The following SLC12A7 variants were observed in gnomAD, a reference collection of about 807,000 sequenced individuals.
SLC12A7 encodes K-Cl cotransporter 4.
Under a neutral mutation model 120.6 loss-of-function variants are expected in SLC12A7, and 100 were observed. The ratio of observed to expected loss-of-function variants is 0.83; its 90% CI spans 0.71 to 0.98. SLC12A7 has a LOEUF of 0.98. Among genes scored for constraint, SLC12A7 ranks in the 50% least tolerant of loss-of-function variants. The pLI is 0.00. For synonymous variants in SLC12A7, 760 were observed against 678.0 expected, an observed-to-expected ratio of 1.12 and a Z score of -1.88; for missense variants, 1,373 against 1,548.1, an observed-to-expected ratio of 0.89 and a Z score of 1.90.
At chr5:1,087,626 AGGCCGG>A (rs1273161117) in intron 5 of SLC12A7, among the ~76,000 whole-genome samples, 1 of 152,188 alleles carries the variant, frequency 6.6e-6, no homozygotes, top group Non-Finnish European at 1.5e-5. Flanking sequence ...TGCTCTCCTG[AGGCCGG>A]GGAAGTCCGC....
At position 1,083,787 on chromosome 5, in the gene SLC12A7, C is replaced by T. The variant is rs199733676; in HGVS notation, c.1087G>A (p.Glu363Lys). 9.9e-5 allele frequency: 160 copies of T among 1,612,590 alleles called. No individual in the cohort carries two copies. The highest frequency in any genetic ancestry group is 6.0e-4 in the Admixed American group (36 of 59,970). ...DEYFIQNNVT[E>K]IQGIPGAASG... ...GCCGCGCCCGGGATGCCCTGGATTT[C>T]GGTGACGTTGTTCTGGATGAAGTAC... Residue 363 changes from glutamate to lysine, a missense_variant, in exon 8 of 24, where the codon GAA becomes AAA. Glu to Lys is a moderately conservative substitution (Grantham distance 56, BLOSUM62 1). Coordinates refer to ENST00000264930, the MANE Select transcript of SLC12A7 (RefSeq NM_006598.3).
intron 9 of SLC12A7, among the ~76,000 whole-genome samples, chr5:1,080,721 G>A (rs1308708604): frequency 6.6e-6 from 1 of 152,192 alleles, no homozygotes; most frequent in African/African-American, 2.4e-5. Context: ...CCCACCCACC[G>A]CCGGAACAAG....
the SLC12A7 span, among the ~76,000 whole-genome samples, chr5:1,137,601 G>A: frequency 6.6e-6 from 1 of 152,142 alleles, no homozygotes; most frequent in Admixed American, 6.5e-5. Flanking sequence ...TTCCCCTCCG[G>A]GTGGTCCCCA....
rs1445690817 is a variant in SLC12A7, at chr5:1,052,464, G to GAGTT, written c.3161-17_3161-14dup. On this transcript the variant is annotated splice_polypyrimidine_tract_variant and intron_variant, in intron 23 of 23. Coordinates refer to ENST00000264930, the MANE Select transcript of SLC12A7 (RefSeq NM_006598.3). Reference sequence around the variant, plus strand: ...AGAAACTCCATGTCTGTGGTCAACAGAGTTAAGGCCACAGCTGATCTTACC... The same window carrying GAGTT: ...AGAAACTCCATGTCTGTGGTCAACAGAGTTAGTTAAGGCCACAGCTGATCTTACC... 1 of 1,602,458 alleles carries GAGTT rather than the reference G, an allele frequency of 6.2e-7. No homozygotes were observed. Among genetic ancestry groups the GAGTT allele is most frequent in the East Asian group, 2.2e-5 (1 of 44,868 alleles).
chr5:1,102,171 G>A (rs1206254240), intron 1 of SLC12A7, among the ~76,000 whole-genome samples: 1 of 152,190 alleles, frequency 6.6e-6, no homozygotes, highest in Non-Finnish European at 1.5e-5. Context: ...GAAGGGCAAA[G>A]ACCAGACACA....
chr5:1,082,195 C>T (rs935415054), intron 8 of SLC12A7, among the ~76,000 whole-genome samples: 5 of 134,804 alleles, frequency 3.7e-5, no homozygotes, highest in Admixed American at 8.0e-5. Flanking sequence ...CTTCCCGTCT[C>T]GGGTTCTGGA....
chr5:1,055,755 C>T (rs1054567263), intron 22 of SLC12A7, among the ~76,000 whole-genome samples: 2 of 152,348 alleles, frequency 1.3e-5, no homozygotes, highest in South Asian at 2.1e-4. Flanking sequence ...CCTGGGTCTA[C>T]GTCGTTCTTC....
At chr5:1,124,519 G>A in the SLC12A7 span, among the ~76,000 whole-genome samples, 1 of 152,210 alleles carries the variant, frequency 6.6e-6, no homozygotes, top group East Asian at 1.9e-4. Context: ...CGAAAACTGT[G>A]AGGATTTATC....
At chr5:1,103,655 G>T (rs940770665) in intron 1 of SLC12A7, among the ~76,000 whole-genome samples, 1 of 152,078 alleles carries the variant, frequency 6.6e-6, no homozygotes, top group Non-Finnish European at 1.5e-5. Flanking sequence ...GCACATACAC[G>T]TGTACACACA....
intron 20 of SLC12A7, among the ~76,000 whole-genome samples, chr5:1,061,084 C>T (rs1372922546): frequency 1.5e-4 from 12 of 81,860 alleles, no homozygotes; most frequent in Admixed American, 1.3e-3. Flanking sequence ...CTGCCGCATC[C>T]GCCATGCGGA....
In SLC12A7 at chr5:1,068,835, C is replaced by T. The variant is rs111497149; in HGVS notation, c.2242-3357G>A. On this transcript the variant is annotated intron_variant, in intron 17 of 23. Coordinates refer to ENST00000264930, the MANE Select transcript of SLC12A7 (RefSeq NM_006598.3). ...GGCAGAGCGTGGCAGGGGGTCCCGT[C>T]ATCCCCCAGTCACTGCAATCCCTGC... 2.7e-3 allele frequency among the ~76,000 whole-genome samples: 417 copies of T among 152,378 alleles called. 4 individuals are homozygous for T. Among genetic ancestry groups the T allele is most frequent in the African/African-American group, 9.3e-3 (387 of 41,592 alleles).
the SLC12A7 span, among the ~76,000 whole-genome samples, chr5:1,120,175 A>G: frequency 6.6e-6 from 1 of 152,224 alleles, no homozygotes; most frequent in Non-Finnish European, 1.5e-5. Context: ...AGCCCCAAAC[A>G]TGCTCTTCAT....
At position 1,075,334 on chromosome 5, in the gene SLC12A7, G is replaced by A. The variant is rs368942782; in HGVS notation, c.1967+37C>T. 3.9e-5 allele frequency: 62 copies of A among 1,595,770 alleles called. 1 individual carries two copies. The highest frequency in any genetic ancestry group is 9.0e-5 in the East Asian group (4 of 44,432). On this transcript the variant is annotated intron_variant, in intron 15 of 23. Transcript: ENST00000264930. ...TAGCATGAGAGGGGCCCGCCCTCCC[G>A]TGCGCCGGGTCTGTAAGGGGGGCTG...
At chr5:1,141,451 G>A in the SLC12A7 span, among the ~76,000 whole-genome samples, 2 of 49,262 alleles carry the variant, frequency 4.1e-5, no homozygotes, top group East Asian at 7.2e-4. Flanking sequence ...CACCACAGCC[G>A]CCATGGGCAC....
At chr5:1,143,228 T>C in the SLC12A7 span, among the ~76,000 whole-genome samples, 1 of 152,294 alleles carries the variant, frequency 6.6e-6, no homozygotes, top group South Asian at 2.1e-4. Flanking sequence ...CTGGTGCCAG[T>C]CCTGTCGGAT....
intron 16 of SLC12A7, 80 bp from the exon 17 acceptor site, chr5:1,073,881 G>A (rs530556328): frequency 6.2e-5 from 79 of 1,282,178 alleles, no homozygotes; most frequent in African/African-American, 5.5e-4. Flanking sequence ...CAGATGGGAC[G>A]GGCGGGGCAC....
At chr5:1,151,819 A>G in the SLC12A7 span, among the ~76,000 whole-genome samples, 2 of 152,124 alleles carry the variant, frequency 1.3e-5, no homozygotes, top group African/African-American at 4.8e-5. The surrounding 1 kb of genome is among the most constrained non-coding windows in gnomAD (Gnocchi z 6.2). Context: ...CCTCCTGCAC[A>G]CGGCTCTCCT....
At chr5:1,124,745 A>ACTTTCAT in the SLC12A7 span, among the ~76,000 whole-genome samples, 1 of 152,226 alleles carries the variant, frequency 6.6e-6, no homozygotes, top group Non-Finnish European at 1.5e-5. Flanking sequence ...CGACCGTGAG[A>ACTTTCAT]ACAGCAGAAC....
intron 21 of SLC12A7, 128 bp downstream of exon 21, chr5:1,060,216 C>T (rs1015179152): frequency 3.3e-5 from 23 of 705,216 alleles, no homozygotes; most frequent in Admixed American, 2.5e-4. Context: ...GCTGAGCCTG[C>T]GACGCAGTAC....
Sources: gnomAD v4.1 joint callset for allele counts (sites outside exome capture counted in the v4.1 genomes callset) on GRCh38, gnomAD v4.1.1 for gene constraint, Gnocchi (gnomAD v3.1) non-coding constraint, MANE v1.5 for transcripts, NCBI Gene and HGNC (gene_info 2026-07-23, HGNC 2026-07-21) for gene names.